Variants in SAMD4A observed in about 807,000 individuals in gnomAD.
The protein encoded by SAMD4A is protein Smaug homolog 1.
In SAMD4A, 33 loss-of-function variants were observed where a neutral mutation model predicts 81.3. The ratio of observed to expected loss-of-function variants is 0.41; its 90% confidence interval spans 0.31 to 0.54. The LOEUF (loss-of-function observed/expected upper bound fraction) is 0.54, where lower values mean the gene tolerates loss of function less well. Ranked by LOEUF, SAMD4A falls within the 20% of genes least tolerant of loss-of-function variation. The probability of loss-of-function intolerance (pLI) is 0.37; values close to 1 mark genes in which losing one functional copy is unlikely to be tolerated. For synonymous variants in SAMD4A, 389 were observed against 382.1 expected (o/e 1.02, Z -0.21); for missense variants, 854 against 951.1 (o/e 0.90, Z 1.34).
At chr14:54,651,454 TTTG>T (rs1316222596) in intron 2 of SAMD4A, among the ~76,000 whole-genome samples, 1 of 152,082 alleles carries the variant, frequency 6.6e-6, no homozygotes, top group African/African-American at 2.4e-5. Flanking sequence ...TTTGACAAGT[TTTG>T]TTGTCATTTA....
intron 3 of SAMD4A, among the ~76,000 whole-genome samples, chr14:54,718,279 C>A (rs1192203821): frequency 6.6e-6 from 1 of 152,188 alleles, no homozygotes; most frequent in Non-Finnish European, 1.5e-5. Flanking sequence ...GGAATGAATG[C>A]TTTTTCTTAA....
intron 2 of SAMD4A, chr14:54,685,878 G>C (rs776233330): frequency 1.3e-5 from 6 of 456,436 alleles, no homozygotes; most frequent in African/African-American, 1.2e-4. Flanking sequence ...TCAGTTTCCT[G>C]AGGAAGAAAA....
At chr14:54,736,905 A>G (rs891559986) in intron 3 of SAMD4A, 119 bp from the exon 4 acceptor site, 5 of 1,178,678 alleles carry the variant, frequency 4.2e-6, no homozygotes, top group South Asian at 2.6e-5. Flanking sequence ...TGCTGTGACC[A>G]TGGATGGAGT....
chr14:54,681,844 C>A, intron 2 of SAMD4A: 1 of 985,370 alleles, frequency 1.0e-6, no homozygotes, highest in Non-Finnish European at 1.2e-6. Flanking sequence ...AATTGGAACT[C>A]TCCCAAAAGA....
chr14:54,718,598 A>G (rs1163535236), intron 3 of SAMD4A, among the ~76,000 whole-genome samples: 1 of 151,800 alleles, frequency 6.6e-6, no homozygotes, highest in East Asian at 1.9e-4. Context: ...CCACTACATC[A>G]TATTGGGTAA....
intron 5 of SAMD4A, among the ~76,000 whole-genome samples, chr14:54,749,215 G>A (rs1280917108): frequency 1.3e-5 from 2 of 152,188 alleles, no homozygotes; most frequent in Admixed American, 6.5e-5. Flanking sequence ...CAGGTGCCAG[G>A]GAGGAATCGG....
intron 4 of SAMD4A, among the ~76,000 whole-genome samples, chr14:54,737,735 G>A (rs2037736913): frequency 6.6e-6 from 1 of 150,902 alleles, no homozygotes. Flanking sequence ...ATAAGTCTAT[G>A]TTAATGCAGA....
In SAMD4A at chr14:54,689,183, T is replaced by A. The variant is rs191577242; in HGVS notation, c.197-12879T>A. On this transcript the variant is annotated intron_variant, in intron 2 of 12. Coordinates refer to ENST00000554335, the MANE Select transcript of SAMD4A (RefSeq NM_015589.6). Reference sequence around the variant, plus strand: ...CTGACCTACAGGTGATCCACCCACCTCAGCCTCCCAAAGTGCTGGGATTAC... The same window carrying A: ...CTGACCTACAGGTGATCCACCCACCACAGCCTCCCAAAGTGCTGGGATTAC... 4.8e-3 allele frequency among the ~76,000 whole-genome samples: 734 copies of A among 152,224 alleles called. 8 individuals carry two copies. Among genetic ancestry groups the A allele is most frequent in the African/African-American group, 0.017 (700 of 41,524 alleles).
chr14:54,791,303 AG>A lies in SAMD4A; in HGVS notation c.*2361del, dbSNP rs1204013027. The A allele has an allele frequency of 6.6e-6, 1 of 152,252 alleles. No homozygotes were observed. The highest frequency in any genetic ancestry group is 1.5e-5 in the Non-Finnish European group (1 of 68,040). The allele number at this position is 152,252 out of a possible 1,614,324, so 9.4% of individuals were successfully genotyped here. A position where few individuals can be genotyped will look rare whatever the true frequency, so the allele number is the denominator to read the frequency against. ...ATGGTATTACACATCTTGCTGAGAA[AG>A]GAAAGCATTCGGATCTGCTGCAAAA... On this transcript the variant is annotated 3_prime_UTR_variant, in exon 13 of 13. Transcript: ENST00000554335.
chr14:54,694,624 T>C (rs2140688232), intron 2 of SAMD4A: 1 of 985,564 alleles, frequency 1.0e-6, no homozygotes, highest in Non-Finnish European at 1.2e-6. Context: ...TGCATACTCA[T>C]GGGCCAGAGG....
At chr14:54,615,025 G>A (rs1314889670) in intron 2 of SAMD4A, among the ~76,000 whole-genome samples, 2 of 152,180 alleles carry the variant, frequency 1.3e-5, no homozygotes, top group East Asian at 1.9e-4. Context: ...GTGGTCAGAT[G>A]CCATGTATCT....
chr14:54,775,091 C>T lies in SAMD4A; in HGVS notation c.1873C>T (p.Arg625Cys), dbSNP rs1417519198. The change falls in exon 10 of 13, where the codon CGC becomes TGC. Residue 625 changes from arginine to cysteine, a missense_variant. Around this residue, in one of 3 missense-constraint regions of SAMD4A, gnomAD observed 428 missense variants for 471.2 expected, o/e 0.91. Coordinates refer to ENST00000554335, the MANE Select transcript of SAMD4A (RefSeq NM_015589.6). The part of the protein sequence containing the change: ...GTSGFVSSNQ[R>C]NTTATPTIMK... ...CAGTGGATTCGTCAGCTCCAACCAGCGCAACACCACAGCTACCCCCACCAT... is the reference window on the plus strand; with the variant it reads ...CAGTGGATTCGTCAGCTCCAACCAGTGCAACACCACAGCTACCCCCACCAT... 7.4e-6 allele frequency: 12 copies of T among 1,614,046 alleles called. No homozygotes were observed. Among genetic ancestry groups the T allele is most frequent in the Admixed American group, 1.7e-5 (1 of 60,004 alleles).
chr14:54,626,059 T>TGTGTGTGCGCGCGC (rs368142521), intron 2 of SAMD4A, among the ~76,000 whole-genome samples: 22 of 102,096 alleles, frequency 2.2e-4, no homozygotes, highest in Non-Finnish European at 3.8e-4. Flanking sequence ...TGTGTGTGTG[T>TGTGTGTGCGCGCGC]GCGCGCGCGC....
intron 2 of SAMD4A, among the ~76,000 whole-genome samples, chr14:54,684,447 G>T (rs1344180061): frequency 1.3e-5 from 2 of 152,228 alleles, no homozygotes; most frequent in African/African-American, 4.8e-5. Context: ...TGAGCCCATT[G>T]TGGTGCCCAA....
chr14:54,693,723 A>G (rs1305392453), intron 2 of SAMD4A: 1 of 152,310 alleles, frequency 6.6e-6, no homozygotes, highest in South Asian at 2.1e-4. Flanking sequence ...TAATGCATGA[A>G]AAAATGGAGA....
At chr14:54,661,932 A>G (rs1007814035) in intron 2 of SAMD4A, among the ~76,000 whole-genome samples, 1 of 149,746 alleles carries the variant, frequency 6.7e-6, no homozygotes, top group Non-Finnish European at 1.5e-5. Flanking sequence ...TGCTTTATCC[A>G]CTATCTGGAA....
Position 54,761,614 on chromosome 14 carries a change from G to A in SAMD4A, c.1510+1120G>A, listed in dbSNP as rs531663895. 4.6e-5 allele frequency among the ~76,000 whole-genome samples: 7 copies of A among 152,332 alleles called. No homozygotes were observed. In the East Asian group the frequency reaches 1.4e-3, roughly 29 times the overall value. ...AAAGCCTTCATGTGAATTACAAGAT[G>A]GTGCCCTGTCTGGGTGGACACAGCA... On this transcript the variant is annotated intron_variant, in intron 7 of 12. Transcript: ENST00000554335.
chr14:54,751,265 A>G (rs930358709), intron 5 of SAMD4A, among the ~76,000 whole-genome samples, 186 bp from the exon 6 acceptor site: 1 of 152,182 alleles, frequency 6.6e-6, no homozygotes, highest in Non-Finnish European at 1.5e-5. Context: ...TCAAAAAATA[A>G]TAATAATATT....
At chr14:54,599,401 T>G (rs2033996476) in intron 2 of SAMD4A, among the ~76,000 whole-genome samples, 1 of 152,192 alleles carries the variant, frequency 6.6e-6, no homozygotes, top group South Asian at 2.1e-4. Context: ...CTGAGCACCT[T>G]ATTTTTTCTT....
Sources: gnomAD v4.1 joint callset for allele counts (sites outside exome capture counted in the v4.1 genomes callset) on GRCh38, gnomAD v4.1.1 for gene constraint, gnomAD v4.1.1 regional missense constraint, MANE v1.5 for transcripts, NCBI Gene and HGNC (gene_info 2026-07-23, HGNC 2026-07-21) for gene names.